MAP1LC3B2: variants seen among roughly 807,000 people sequenced by gnomAD.
MAP1LC3B2 encodes the protein microtubule associated protein 1 light chain 3 beta 2.
For missense variants in MAP1LC3B2, 155 were observed against 154.6 expected (o/e 1.00, Z -0.01); for synonymous variants, 62 against 57.8 (o/e 1.07, Z -0.33).
intron 1 of MAP1LC3B2, among the ~76,000 whole-genome samples, chr12:116,565,248 T>G (rs560110393): frequency 6.6e-6 from 1 of 152,284 alleles, no homozygotes; most frequent in East Asian, 1.9e-4. Context: ...TACTCGAGAC[T>G]GGGCAATTTA....
chr12:116,569,015 A>T (rs2047954), intron 1 of MAP1LC3B2, among the ~76,000 whole-genome samples: 104,565 of 150,956 alleles, frequency 0.69, 36,803 homozygotes, highest in African/African-American at 0.82. Context: ...ACCCACCACC[A>T]CGCCTGGCTA....
chr12:116,573,258 GA>G (rs34256518), intron 1 of MAP1LC3B2, among the ~76,000 whole-genome samples: 1 of 151,684 alleles, frequency 6.6e-6, no homozygotes, highest in Non-Finnish European at 1.5e-5. Context: ...AACTTGTTAG[GA>G]AAAAAAAGTT....
At chr12:116,560,187 GCTATATATATAT>G (rs1566022490) in intron 1 of MAP1LC3B2, 7 of 81,484 alleles carry the variant, frequency 8.6e-5, no homozygotes, top group Admixed American at 1.3e-4. Flanking sequence ...GCTAAGTTTG[GCTATATATATAT>G]ATATATATAT....
intron 1 of MAP1LC3B2, among the ~76,000 whole-genome samples, chr12:116,569,406 A>C (rs529964526): frequency 6.6e-6 from 1 of 151,712 alleles, no homozygotes; most frequent in Non-Finnish European, 1.5e-5. Context: ...CTTTAAACAT[A>C]CCTCTCTTAC....
chr12:116,576,395 A>C lies in MAP1LC3B2; in HGVS notation c.*75A>C. 1.9e-6 allele frequency: 3 copies of C among 1,544,356 alleles called. No homozygotes were observed. In the African/African-American group the frequency reaches 4.1e-5, roughly 21 times the overall value. ...AAAAAAAAAGGGATGTTACCAACTG[A>C]GATCGATCAGTTCATCTAATCACAG... On this transcript the variant is annotated 3_prime_UTR_variant, in exon 2 of 2. Transcript: ENST00000556529.
intron 1 of MAP1LC3B2, among the ~76,000 whole-genome samples, chr12:116,572,426 G>A (rs966367017): frequency 1.3e-5 from 2 of 148,488 alleles, no homozygotes. Context: ...GTGCGGCGGC[G>A]TGATCTCAGC....
intron 1 of MAP1LC3B2, among the ~76,000 whole-genome samples, chr12:116,575,052 T>C (rs1869635274): frequency 6.6e-6 from 1 of 151,870 alleles, no homozygotes; most frequent in Non-Finnish European, 1.5e-5. Flanking sequence ...TGGTGGTGCA[T>C]GCCTGTAATC....
At chr12:116,562,753 A>C (rs1490129366) in intron 1 of MAP1LC3B2, among the ~76,000 whole-genome samples, 2 of 152,188 alleles carry the variant, frequency 1.3e-5, no homozygotes, top group African/African-American at 4.8e-5. Flanking sequence ...TGGTATCTGA[A>C]ATACTATATA....
intron 1 of MAP1LC3B2, among the ~76,000 whole-genome samples, chr12:116,562,885 C>T (rs780921930): frequency 6.6e-6 from 1 of 152,190 alleles, no homozygotes; most frequent in Non-Finnish European, 1.5e-5. Flanking sequence ...TTTATGATTT[C>T]TGGCATTCTT....
At chr12:116,567,900 C>T (rs1378960018) in intron 1 of MAP1LC3B2, among the ~76,000 whole-genome samples, 3 of 152,044 alleles carry the variant, frequency 2.0e-5, no homozygotes, top group Non-Finnish European at 4.4e-5. Context: ...TTAGGAAAAC[C>T]TTCTGGGGAA....
chr12:116,559,759 G>C (rs1034536642), intron 1 of MAP1LC3B2: 2 of 152,220 alleles, frequency 1.3e-5, no homozygotes, highest in Non-Finnish European at 2.9e-5. Flanking sequence ...CAACCCTCCA[G>C]CATACTGGTC....
chr12:116,564,606 C>T (rs963266033), intron 1 of MAP1LC3B2, among the ~76,000 whole-genome samples: 2 of 152,160 alleles, frequency 1.3e-5, no homozygotes, highest in Admixed American at 6.6e-5. Context: ...TCAGCTTATA[C>T]CTCTCCAATA....
intron 1 of MAP1LC3B2, among the ~76,000 whole-genome samples, chr12:116,573,531 T>A (rs1161967429): frequency 6.6e-6 from 1 of 152,196 alleles, no homozygotes; most frequent in African/African-American, 2.4e-5. Flanking sequence ...TCTTTTATTA[T>A]TTTTTTGAGA....
rs190537412 is a variant in MAP1LC3B2 at position 116,574,415 on chromosome 12, C to A, written c.-101-1427C>A. ...TACCACATAAGGAGGCCGAGGTGGGCAGATCTCTTGAGCCCAGGAATTCAA... is the reference window on the plus strand; with the variant it reads ...TACCACATAAGGAGGCCGAGGTGGGAAGATCTCTTGAGCCCAGGAATTCAA... On this transcript the variant is annotated intron_variant, in intron 1 of 1. Coordinates refer to ENST00000556529, the MANE Select transcript of MAP1LC3B2 (RefSeq NM_001085481.3). Among the ~76,000 whole-genome samples the A allele has an allele frequency of 1.0e-3, 155 of 152,068 alleles. 1 individual carries two copies. Among genetic ancestry groups the A allele is most frequent in the African/African-American group, 3.5e-3 (145 of 41,504 alleles).
chr12:116,567,887 G>A (rs1592867257), intron 1 of MAP1LC3B2, among the ~76,000 whole-genome samples: 1 of 152,266 alleles, frequency 6.6e-6, no homozygotes, highest in Admixed American at 6.5e-5. Flanking sequence ...AGGGATTTGG[G>A]GATTAGGAAA....
chr12:116,564,006 A>C (rs1302153375), intron 1 of MAP1LC3B2, among the ~76,000 whole-genome samples: 1 of 152,100 alleles, frequency 6.6e-6, no homozygotes, highest in East Asian at 1.9e-4. Context: ...CAGCCTCCAA[A>C]GTAGCTGGGA....
chr12:116,572,382 T>TTTTTA (rs71095565), intron 1 of MAP1LC3B2, among the ~76,000 whole-genome samples: 2 of 139,408 alleles, frequency 1.4e-5, no homozygotes, highest in Admixed American at 7.4e-5. Context: ...TTTTTTTTTT[T>TTTTTA]GAGATGGAGT....
chr12:116,566,330 G>A (rs763947413), intron 1 of MAP1LC3B2, among the ~76,000 whole-genome samples: 1 of 152,174 alleles, frequency 6.6e-6, no homozygotes, highest in African/African-American at 2.4e-5. Flanking sequence ...TGAGTCTGAG[G>A]TAGCTGCAGG....
At chr12:116,570,557 C>A (rs1869499626) in intron 1 of MAP1LC3B2, among the ~76,000 whole-genome samples, 1 of 152,188 alleles carries the variant, frequency 6.6e-6, no homozygotes, top group Non-Finnish European at 1.5e-5. Context: ...TTCCCCCATA[C>A]TGTTCTGGTG....
Sources: gnomAD v4.1 joint callset for allele counts (sites outside exome capture counted in the v4.1 genomes callset) on GRCh38, gnomAD v4.1.1 for gene constraint, MANE v1.5 for transcripts, NCBI Gene and HGNC (gene_info 2026-07-23, HGNC 2026-07-21) for gene names.